VMP1: variants seen among roughly 807,000 people sequenced by gnomAD.
VMP1 encodes the protein vacuole membrane protein 1.
Under a neutral mutation model 56.0 loss-of-function variants are expected in VMP1, and 11 were observed. The observed-to-expected ratio is 0.20, with a 90% confidence interval of 0.12 to 0.32. The LOEUF (loss-of-function observed/expected upper bound fraction) is 0.32, where lower values mean the gene tolerates loss of function less well. VMP1 is among the 10% of genes least tolerant of loss of function. The pLI is 1.00. For synonymous variants in VMP1, 149 were observed against 165.0 expected (o/e 0.90, Z 0.74); for missense variants, 296 against 490.3 (o/e 0.60, Z 3.74).
At chr17:59,776,369 G>C (rs1029318145) in intron 7 of VMP1, among the ~76,000 whole-genome samples, 1 of 152,170 alleles carries the variant, frequency 6.6e-6, no homozygotes, top group Non-Finnish European at 1.5e-5. Context: ...AGAGCAAATT[G>C]CCCTGGTATC....
At chr17:59,724,973 A>G (rs1203574744) in intron 1 of VMP1, among the ~76,000 whole-genome samples, 1 of 142,644 alleles carries the variant, frequency 7.0e-6, no homozygotes, top group Non-Finnish European at 1.5e-5. Flanking sequence ...CTCAAAAAAA[A>G]AAACAAAAAC....
At chr17:59,823,221 G>A (rs1001835835) in intron 10 of VMP1, among the ~76,000 whole-genome samples, 2 of 152,042 alleles carry the variant, frequency 1.3e-5, no homozygotes, top group Admixed American at 1.3e-4. Flanking sequence ...AGGCCAAGGC[G>A]GGTAGATCAT....
At chr17:59,737,322 T>G in intron 3 of VMP1, 131 bp from the exon 4 acceptor site, 3 of 734,706 alleles carry the variant, frequency 4.1e-6, no homozygotes, top group Non-Finnish European at 6.4e-6. Flanking sequence ...CAAGAGGCCA[T>G]GATGTGTAAG....
Position 59,731,512 on chromosome 17 carries a change from A to G in VMP1, c.66A>G (p.Gly22=). 1.3e-6 allele frequency: 2 copies of G among 1,581,498 alleles called. No homozygotes were observed. The highest frequency in any genetic ancestry group is 1.7e-6 in the Non-Finnish European group (2 of 1,168,182). Residue 22 remains glycine, a synonymous_variant, in exon 2 of 12, where the codon GGA becomes GGG. Coordinates refer to ENST00000262291, the MANE Select transcript of VMP1 (RefSeq NM_030938.5). ...RVAMNKEHHN[G]NFTDPSSVNE... Reference sequence around the variant, plus strand: ...CAATGAACAAGGAACATCATAATGGAAATTTCACAGGTAAATTTTGATGGT... The same window carrying G: ...CAATGAACAAGGAACATCATAATGGGAATTTCACAGGTAAATTTTGATGGT...
intron 7 of VMP1, among the ~76,000 whole-genome samples, chr17:59,793,394 AG>A (rs2037310084): frequency 8.6e-6 from 1 of 116,224 alleles, no homozygotes; most frequent in Non-Finnish European, 2.1e-5. Flanking sequence ...AAAAAGAAAA[AG>A]GAAATTACTT....
chr17:59,763,001 A>G (rs779700414), intron 5 of VMP1, among the ~76,000 whole-genome samples: 1 of 152,150 alleles, frequency 6.6e-6, no homozygotes, highest in African/African-American at 2.4e-5. Context: ...TTCATTTCTA[A>G]CTTTAGCTGT....
intron 6 of VMP1, among the ~76,000 whole-genome samples, chr17:59,773,240 G>GT (rs2036501569): frequency 6.6e-6 from 1 of 151,776 alleles, no homozygotes; most frequent in African/African-American, 2.4e-5. Context: ...GATTACAGGC[G>GT]TGAGCCACCA....
chr17:59,782,710 A>G (rs1409639196), intron 7 of VMP1, among the ~76,000 whole-genome samples: 5 of 152,196 alleles, frequency 3.3e-5, no homozygotes, highest in Admixed American at 6.5e-5. Flanking sequence ...ATCCGTAACT[A>G]TGAGTGGAAA....
At chr17:59,767,108 C>A (rs1295207043) in intron 6 of VMP1, among the ~76,000 whole-genome samples, 2 of 151,146 alleles carry the variant, frequency 1.3e-5, no homozygotes, top group East Asian at 1.9e-4. Flanking sequence ...TTAAAGATTT[C>A]TTTTACCATT....
chr17:59,778,364 C>T lies in VMP1; in HGVS notation c.714+4479C>T, dbSNP rs546027488. 2.2e-4 allele frequency among the ~76,000 whole-genome samples: 33 copies of T among 151,952 alleles called. No homozygotes were observed. The South Asian group carries it at 3.1e-3, about 14-fold the overall frequency. ...GACCATCCTGGCTAACACAGTGAAA[C>T]CCCATCTCTACTAAAAATACAAAAA... On this transcript the variant is annotated intron_variant, in intron 7 of 11. Transcript: ENST00000262291.
At chr17:59,756,308 C>T (rs1339854421) in intron 5 of VMP1, among the ~76,000 whole-genome samples, 1 of 152,164 alleles carries the variant, frequency 6.6e-6, no homozygotes, top group African/African-American at 2.4e-5. Flanking sequence ...TACAAACAAC[C>T]ATTTTTCATC....
At chr17:59,781,637 C>T (rs185509169) in intron 7 of VMP1, among the ~76,000 whole-genome samples, 302 of 152,196 alleles carry the variant, frequency 2.0e-3, no homozygotes, top group African/African-American at 7.0e-3. Flanking sequence ...AATCTAAAAA[C>T]GTGAACATTT....
In VMP1 at chr17:59,798,948, G is replaced by T. The variant is rs550395084; in HGVS notation, c.715-9848G>T. Among the ~76,000 whole-genome samples the T allele has an allele frequency of 2.2e-4, 34 of 152,192 alleles. No homozygotes were observed. In the South Asian group the frequency reaches 5.6e-3, roughly 25 times the overall value. On this transcript the variant is annotated intron_variant, in intron 7 of 11. Transcript: ENST00000262291. The stretch of plus-strand genomic sequence containing the variant: ...TTGTTACCAACTAAATTTTCACACC[G>T]CATTTTAATTTAATGAAACTGCCCT...
In VMP1 at chr17:59,792,854, A is replaced by AAAAAATAATAATAAT. The variant is rs1410703669; in HGVS notation, c.715-15940_715-15939insAAATAATAATAATAA. ...ACATGAGCAAAAACGCCATCTCAAA[A>AAAAAATAATAATAAT]AATAATAATAATAATAATAATAATT... On this transcript the variant is annotated intron_variant, in intron 7 of 11. Transcript: ENST00000262291. Among the ~76,000 whole-genome samples the AAAAAATAATAATAAT allele has an allele frequency of 1.4e-4, 12 of 86,446 alleles. 1 individual carries two copies. Among genetic ancestry groups the AAAAAATAATAATAAT allele is most frequent in the Non-Finnish European group, 2.2e-4 (8 of 36,896 alleles). The allele number at this position is 86,446 out of a possible 152,430, so 56.7% of individuals were successfully genotyped here.
chr17:59,729,383 T>C (rs2143791934), intron 1 of VMP1, among the ~76,000 whole-genome samples: 1 of 149,522 alleles, frequency 6.7e-6, no homozygotes, highest in East Asian at 2.0e-4. Flanking sequence ...CCTGGGAGGC[T>C]GAGGCAGGAG....
intron 7 of VMP1, among the ~76,000 whole-genome samples, chr17:59,787,043 A>G (rs556350669): frequency 2.6e-5 from 4 of 152,190 alleles, no homozygotes; most frequent in African/African-American, 4.8e-5. Flanking sequence ...TCATGATTTT[A>G]TCACAAAGTA....
intron 2 of VMP1, among the ~76,000 whole-genome samples, chr17:59,733,402 G>C (rs1262615549): frequency 6.6e-6 from 1 of 151,708 alleles, no homozygotes; most frequent in African/African-American, 2.4e-5. Flanking sequence ...GGTTTACAGT[G>C]TATATGCATT....
chr17:59,774,919 A>G (rs1369809420), intron 7 of VMP1, among the ~76,000 whole-genome samples: 1 of 150,946 alleles, frequency 6.6e-6, no homozygotes, highest in African/African-American at 2.4e-5. Context: ...GGCAATAGTG[A>G]GACCTTGTCT....
intron 5 of VMP1, among the ~76,000 whole-genome samples, chr17:59,743,119 C>A (rs1333940609): frequency 6.6e-6 from 1 of 151,978 alleles, no homozygotes; most frequent in South Asian, 2.1e-4. Context: ...TAACTAAAAC[C>A]CATAGTTTAT....
Sources: gnomAD v4.1 joint callset for allele counts (sites outside exome capture counted in the v4.1 genomes callset) on GRCh38, gnomAD v4.1.1 for gene constraint, MANE v1.5 for transcripts, NCBI Gene and HGNC (gene_info 2026-07-23, HGNC 2026-07-21) for gene names.